The following ZNF599 variants were observed in gnomAD, a reference collection of about 807,000 sequenced individuals.
ZNF599 encodes the protein zinc finger protein 599.
A neutral mutation model predicts 11.7 loss-of-function variants in ZNF599; 10 were observed. That is an observed-to-expected ratio of 0.86 (90% CI 0.53 to 1.45). ZNF599 has a LOEUF of 1.45. ZNF599 is among the 40% of genes most tolerant of loss of function. ZNF599 has a pLI of 0.00. For missense variants in ZNF599, 688 were observed against 713.6 expected (o/e 0.96, Z 0.41); for synonymous variants, 232 against 253.2 (o/e 0.92, Z 0.79).
intron 2 of ZNF599, among the ~76,000 whole-genome samples, chr19:34,767,808 A>C (rs1480717273): frequency 6.6e-6 from 1 of 152,220 alleles, no homozygotes; most frequent in Non-Finnish European, 1.5e-5. Context: ...ATGGAGGCCT[A>C]CTGCCCCACA....
At chr19:34,766,962 C>T (rs570361280) in intron 3 of ZNF599, 240 of 196,114 alleles carry the variant, frequency 1.2e-3, no homozygotes, top group African/African-American at 3.8e-3. Flanking sequence ...CAAAACAAAA[C>T]GAAACTTAAT....
chr19:34,774,408 C>G (rs1368537335), upstream of ZNF599, among the ~76,000 whole-genome samples: 1 of 152,166 alleles, frequency 6.6e-6, no homozygotes, highest in African/African-American at 2.4e-5. Context: ...AGCCCACCAC[C>G]CAAACCTGTA....
chr19:34,770,638 G>A (rs924226476), intron 1 of ZNF599, among the ~76,000 whole-genome samples: 1 of 152,172 alleles, frequency 6.6e-6, no homozygotes, highest in Non-Finnish European at 1.5e-5. Context: ...ATTTCCCTTA[G>A]GTACAGGTAA....
chr19:34,777,540 ATCTATATT>A (rs931337875), upstream of ZNF599, among the ~76,000 whole-genome samples: 8 of 120,992 alleles, frequency 6.6e-5, no homozygotes, highest in African/African-American at 2.2e-4. Flanking sequence ...TAATCTATAT[ATCTATATT>A]ATATATAATA....
upstream of ZNF599, among the ~76,000 whole-genome samples, chr19:34,777,535 T>G (rs2069227548): frequency 1.7e-5 from 2 of 120,418 alleles, no homozygotes; most frequent in South Asian, 2.2e-4. Context: ...ATATATAATC[T>G]ATATATCTAT....
In ZNF599 at chr19:34,773,197, G is replaced by T. The variant is rs1187980696; in HGVS notation, c.-356C>A. 5 of 291,704 alleles carry T rather than the reference G, an allele frequency of 1.7e-5. No homozygotes were observed. Among genetic ancestry groups the T allele is most frequent in the Admixed American group, 1.0e-4 (2 of 19,602 alleles). 18.1% of individuals were successfully genotyped at this position (291,704 alleles called of 1,614,324 possible). On this transcript the variant is annotated 5_prime_UTR_variant, in exon 1 of 4. Transcript: ENST00000329285. ...ACCACAGCAGCCGCAACCTAACGGC[G>T]GACGAAGACTGGACGCCGGAAGTCC...
chr19:34,779,756 G>C, the ZNF599 span: 3 of 257,562 alleles, frequency 1.2e-5, no homozygotes, highest in Non-Finnish European at 2.3e-5. Context: ...GAGAGTGGAG[G>C]CCTGTCTAAA....
intron 2 of ZNF599, 119 bp downstream of exon 2, chr19:34,769,310 G>A: frequency 7.3e-7 from 1 of 1,378,666 alleles, no homozygotes; most frequent in Non-Finnish European, 1.0e-6. Context: ...ACCACAACGT[G>A]CTGAGGCTGC....
the ZNF599 span, among the ~76,000 whole-genome samples, chr19:34,781,295 AAAAG>A: frequency 6.6e-6 from 1 of 152,212 alleles, no homozygotes; most frequent in African/African-American, 2.4e-5. Context: ...AGAAAGAAGA[AAAAG>A]AAAAAATAAA....
upstream of ZNF599, among the ~76,000 whole-genome samples, chr19:34,774,372 A>C (rs2145470269): frequency 6.6e-6 from 1 of 152,354 alleles, no homozygotes; most frequent in Non-Finnish European, 1.5e-5. Flanking sequence ...CAGGGTCACC[A>C]GATCTTGTCT....
chr19:34,767,875 G>C lies in ZNF599; in HGVS notation c.146-464C>G, dbSNP rs571344720. Among the ~76,000 whole-genome samples the C allele has an allele frequency of 2.0e-5, 3 of 152,326 alleles. No individual in the cohort carries two copies. The South Asian group carries it at 6.2e-4, about 32-fold the overall frequency. On this transcript the variant is annotated intron_variant, in intron 2 of 3. Transcript: ENST00000329285. Reference sequence around the variant, plus strand: ...AGAAAGCAGACAGAGAACTGGGTTAGCATGGATTGGCACTGACCAAGCCAG... The same window carrying C: ...AGAAAGCAGACAGAGAACTGGGTTACCATGGATTGGCACTGACCAAGCCAG...
chr19:34,789,513 C>T, the ZNF599 span, among the ~76,000 whole-genome samples: 3 of 152,288 alleles, frequency 2.0e-5, no homozygotes, highest in South Asian at 2.1e-4. Flanking sequence ...CTCGCCAACA[C>T]GTGCTCTTTT....
At chr19:34,764,000 T>G (rs1004557920) in intron 3 of ZNF599, 1 of 152,154 alleles carries the variant, frequency 6.6e-6, no homozygotes, top group African/African-American at 2.4e-5. Context: ...GAGAATCACT[T>G]GAACCCAGGA....
the ZNF599 span, among the ~76,000 whole-genome samples, chr19:34,798,930 C>A: frequency 1.3e-5 from 2 of 152,184 alleles, no homozygotes; most frequent in Non-Finnish European, 2.9e-5. Flanking sequence ...AATCTCCTGG[C>A]AACTATTGAT....
the ZNF599 span, among the ~76,000 whole-genome samples, chr19:34,794,635 A>G: frequency 2.6e-5 from 4 of 151,468 alleles, no homozygotes; most frequent in African/African-American, 7.3e-5. Context: ...CAGTGGTGCA[A>G]TCTTGGCTCA....
At chr19:34,788,335 A>G in the ZNF599 span, among the ~76,000 whole-genome samples, 526 of 152,302 alleles carry the variant, frequency 3.5e-3, 2 homozygotes, top group African/African-American at 0.012. Flanking sequence ...ATTTCGGTTC[A>G]TATCCTAACC....
At chr19:34,795,298 C>A in the ZNF599 span, among the ~76,000 whole-genome samples, 1 of 152,100 alleles carries the variant, frequency 6.6e-6, no homozygotes, top group African/African-American at 2.4e-5. Flanking sequence ...TTTTTTGAGA[C>A]AAGGTCTCAC....
chr19:34,765,642 C>T, intron 3 of ZNF599: 1 of 703,050 alleles, frequency 1.4e-6, no homozygotes, highest in Non-Finnish European at 2.6e-6. Context: ...GAGAAGGAAG[C>T]TGCAGGATAA....
At chr19:34,782,296 G>A in the ZNF599 span, among the ~76,000 whole-genome samples, 1 of 152,210 alleles carries the variant, frequency 6.6e-6, no homozygotes, top group South Asian at 2.1e-4. Flanking sequence ...AAAGAAAATG[G>A]AAAACAAAAT....
Sources: allele counts gnomAD v4.1 joint callset (sites outside exome capture counted in the v4.1 genomes callset), GRCh38; gene constraint gnomAD v4.1.1; transcripts MANE v1.5; gene names NCBI Gene and HGNC (gene_info 2026-07-23, HGNC 2026-07-21).